Variants in RAB18 observed in about 807,000 individuals in gnomAD.
The protein encoded by RAB18 is ras-related protein Rab-18.
RAB18 carries 10 observed loss-of-function variants against 28.5 expected under a neutral mutation model. The ratio of observed to expected loss-of-function variants is 0.35; its 90% CI spans 0.22 to 0.60. The LOEUF is 0.60. RAB18 is among the 20% of genes least tolerant of loss of function. The probability of loss-of-function intolerance (pLI) is 0.78; values close to 1 mark genes in which losing one functional copy is unlikely to be tolerated. For missense variants in RAB18, 188 were observed against 244.2 expected, an observed-to-expected ratio of 0.77 and a Z score of 1.53; for synonymous variants, 93 against 86.9, an observed-to-expected ratio of 1.07 and a Z score of -0.39.
intron 6 of RAB18, among the ~76,000 whole-genome samples, chr10:27,535,815 A>G (rs549820207): frequency 3.3e-5 from 5 of 152,274 alleles, no homozygotes; most frequent in African/African-American, 4.8e-5. Flanking sequence ...AGGCGGGTGC[A>G]GTGGCTCACG....
intron 2 of RAB18, among the ~76,000 whole-genome samples, chr10:27,512,163 A>G (rs1272510387): frequency 6.6e-6 from 1 of 152,106 alleles, no homozygotes; most frequent in Non-Finnish European, 1.5e-5. Flanking sequence ...TCAATAAATT[A>G]GGCATTACTT....
chr10:27,527,515 C>T (rs1383432987), intron 3 of RAB18, among the ~76,000 whole-genome samples: 1 of 151,896 alleles, frequency 6.6e-6, no homozygotes, highest in Non-Finnish European at 1.5e-5. Flanking sequence ...GTCTCCCTTT[C>T]ATCAGTCTAT....
chr10:27,533,621 A>T (rs1834832575), intron 4 of RAB18, 114 bp from the exon 5 acceptor site: 16 of 1,241,442 alleles, frequency 1.3e-5, no homozygotes, highest in African/African-American at 3.0e-5. Context: ...TGAAGACAAT[A>T]AAAAAAAGAC....
intron 6 of RAB18, among the ~76,000 whole-genome samples, chr10:27,534,451 C>T (rs1413380635): frequency 3.9e-5 from 6 of 152,260 alleles, no homozygotes; most frequent in Admixed American, 3.3e-4. Flanking sequence ...TGCCAAACTA[C>T]AGCCTGGTCC....
Position 27,533,999 on chromosome 10 carries a change from G to GT in RAB18, c.445+6dup. 1 of 1,583,968 alleles carries GT rather than the reference G, an allele frequency of 6.3e-7. No homozygotes were observed. Among genetic ancestry groups the GT allele is most frequent in the Non-Finnish European group, 8.7e-7 (1 of 1,152,800 alleles). ...AGCATTCCATGTTATTTATAGGTAG[G>GT]TGTGTGAATGAATATCTGTCCTTTC... On this transcript the variant is annotated splice_donor_region_variant and intron_variant, in intron 6 of 6. Transcript: ENST00000356940.
At chr10:27,513,744 G>A (rs991880668) in intron 2 of RAB18, among the ~76,000 whole-genome samples, 1 of 152,152 alleles carries the variant, frequency 6.6e-6, no homozygotes, top group Non-Finnish European at 1.5e-5. Flanking sequence ...CGTGGCTGTG[G>A]AGCTCAGAGA....
At chr10:27,515,059 T>A (rs900370144) in intron 2 of RAB18, among the ~76,000 whole-genome samples, 1 of 152,156 alleles carries the variant, frequency 6.6e-6, no homozygotes, top group Admixed American at 6.5e-5. Context: ...GCCACTGCTC[T>A]CAGCCTGCAA....
intron 3 of RAB18, among the ~76,000 whole-genome samples, chr10:27,530,881 G>T (rs930503184): frequency 6.6e-6 from 1 of 151,630 alleles, no homozygotes; most frequent in Non-Finnish European, 1.5e-5. Context: ...TCCATATACC[G>T]TTTCATTAAT....
rs1564840443 is a variant in RAB18, at chr10:27,539,639, C to CA, written c.*1588_*1589insA. 3.5e-5 allele frequency: 16 copies of CA among 452,998 alleles called. No homozygotes were observed. In the East Asian group the frequency reaches 1.1e-3, roughly 31 times the overall value. The allele number at this position is 452,998 out of a possible 1,614,324, so 28.1% of individuals were successfully genotyped here. On this transcript the variant is annotated 3_prime_UTR_variant, in exon 7 of 7. Coordinates refer to ENST00000356940, the MANE Select transcript of RAB18 (RefSeq NM_021252.5). ...TGAGATTTGTGTATTTATGTAGAGT[C>CA]TGTATTGACAAGACTGTTGTTTTTT...
rs879493907 is a variant in RAB18, at chr10:27,538,202, G to A, written c.*151G>A. ...ATATTTGCAAGAAATCCCACTCATCGACCCCGGGTAAAATGTTATGGTAAG... is the reference window on the plus strand; with the variant it reads ...ATATTTGCAAGAAATCCCACTCATCAACCCCGGGTAAAATGTTATGGTAAG... On this transcript the variant is annotated 3_prime_UTR_variant, in exon 7 of 7. Coordinates refer to ENST00000356940, the MANE Select transcript of RAB18 (RefSeq NM_021252.5). 9 of 1,045,138 alleles carry A rather than the reference G, an allele frequency of 8.6e-6. No homozygotes were observed. The highest frequency in any genetic ancestry group is 1.3e-5 in the Non-Finnish European group (9 of 696,436). 64.7% of individuals were successfully genotyped at this position (1,045,138 alleles called of 1,614,324 possible).
intron 3 of RAB18, 32 bp downstream of exon 3, chr10:27,526,921 T>G (rs756327570): frequency 1.3e-6 from 2 of 1,591,278 alleles, no homozygotes; most frequent in South Asian, 2.2e-5. Flanking sequence ...TTTTAAAATA[T>G]TAAACTTTAC....
intron 6 of RAB18, among the ~76,000 whole-genome samples, chr10:27,536,537 C>A (rs1834903941): frequency 6.6e-6 from 1 of 152,044 alleles, no homozygotes; most frequent in Non-Finnish European, 1.5e-5. Context: ...GACCCTGTCT[C>A]AAAAACAAAA....
chr10:27,526,564 T>A (rs1834677095), intron 2 of RAB18, among the ~76,000 whole-genome samples: 1 of 152,228 alleles, frequency 6.6e-6, no homozygotes, highest in South Asian at 2.1e-4. Flanking sequence ...TCACCTTAAA[T>A]TGAATTTCGT....
Position 27,539,930 on chromosome 10 carries a change from T to A in RAB18, c.*1879T>A, listed in dbSNP as rs1272372754. 2.2e-6 allele frequency: 1 copy of A among 453,210 alleles called. No individual in the cohort carries two copies. The highest frequency in any genetic ancestry group is 4.4e-6 in the Non-Finnish European group (1 of 226,482). 28.1% of individuals were successfully genotyped at this position (453,210 alleles called of 1,614,324 possible). On this transcript the variant is annotated 3_prime_UTR_variant, in exon 7 of 7. Transcript: ENST00000356940. The stretch of plus-strand genomic sequence containing the variant: ...AAATTATGTGGCTTTCATTTTGTTG[T>A]TTTGTTGCAAGCTTAGTGTTTTGTA...
At position 27,541,161 on chromosome 10, in the gene RAB18, T is replaced by C. The variant is rs1564841672; in HGVS notation, c.*3110T>C. On this transcript the variant is annotated 3_prime_UTR_variant, in exon 7 of 7. Transcript: ENST00000356940. ...TTTCCTGTATTTCCCTAGTTAAGTA[T>C]AGGGGTAAAAACGTTATTCAGCTTT... The C allele has an allele frequency of 2.2e-6, 1 of 454,056 alleles. No individual in the cohort carries two copies. Among genetic ancestry groups the C allele is most frequent in the Non-Finnish European group, 4.4e-6 (1 of 226,782 alleles). 28.1% of individuals were successfully genotyped at this position (454,056 alleles called of 1,614,324 possible).
chr10:27,512,453 G>GC (rs1378273042), intron 2 of RAB18, among the ~76,000 whole-genome samples: 41 of 152,154 alleles, frequency 2.7e-4, no homozygotes, highest in Middle Eastern at 3.4e-3. Context: ...CTACAGGCAT[G>GC]CACCACCACA....
intron 1 of RAB18, among the ~76,000 whole-genome samples, chr10:27,506,949 A>G (rs1393114298): frequency 6.6e-6 from 1 of 151,972 alleles, no homozygotes; most frequent in Non-Finnish European, 1.5e-5. Context: ...AGGATTACAT[A>G]TAGTGAGAAA....
intron 1 of RAB18, among the ~76,000 whole-genome samples, chr10:27,509,512 C>G (rs533895865): frequency 6.6e-6 from 1 of 152,166 alleles, no homozygotes; most frequent in Admixed American, 6.5e-5. Flanking sequence ...TATTTTTTCC[C>G]TTTTCATCTA....
Position 27,504,376 on chromosome 10 carries a change from G to A in RAB18, c.7G>A (p.Glu3Lys), listed in dbSNP as rs1445127484. The change falls in exon 1 of 7, where the codon GAG becomes AAG. Residue 3 changes from glutamate (E) to lysine (K), a missense_variant. Coordinates refer to ENST00000356940, the MANE Select transcript of RAB18 (RefSeq NM_021252.5). Reference sequence around the variant, plus strand: ...GGAGCGGAACGGGGTCAGGATGGACGAGGACGTGCTAACCACCCTGAAGAT... The same window carrying A: ...GGAGCGGAACGGGGTCAGGATGGACAAGGACGTGCTAACCACCCTGAAGAT... MD[E>K]DVLTTLKILI... 1.9e-6 allele frequency: 3 copies of A among 1,575,300 alleles called. No individual in the cohort carries two copies. The highest frequency in any genetic ancestry group is 3.7e-4 in the Middle Eastern group (2 of 5,450).
Sources: gnomAD v4.1 joint callset for allele counts (sites outside exome capture counted in the v4.1 genomes callset) on GRCh38, gnomAD v4.1.1 for gene constraint, MANE v1.5 for transcripts, NCBI Gene and HGNC (gene_info 2026-07-23, HGNC 2026-07-21) for gene names.